CUL5: variants seen among roughly 807,000 people sequenced by gnomAD.
CUL5 encodes cullin 5, also known as cullin-5.
A neutral mutation model predicts 108.8 loss-of-function variants in CUL5; 26 were observed. The ratio of observed to expected loss-of-function variants is 0.24; its 90% CI spans 0.18 to 0.33. The LOEUF (loss-of-function observed/expected upper bound fraction) is 0.33. Among genes scored for constraint, CUL5 ranks in the 10% least tolerant of loss-of-function variants. CUL5 has a pLI of 1.00. For missense variants in CUL5, 524 were observed against 909.2 expected, an observed-to-expected ratio of 0.58 and a Z score of 5.45; for synonymous variants, 334 against 298.0, an observed-to-expected ratio of 1.12 and a Z score of -1.25.
At chr11:108,025,383 C>CT (rs1862428921) in intron 1 of CUL5, among the ~76,000 whole-genome samples, 1 of 151,926 alleles carries the variant, frequency 6.6e-6, no homozygotes, top group Non-Finnish European at 1.5e-5. Flanking sequence ...GTTTTAGGGG[C>CT]TTGATTTTAA....
At chr11:108,065,950 A>G (rs1591310551) in intron 7 of CUL5, among the ~76,000 whole-genome samples, 1 of 152,164 alleles carries the variant, frequency 6.6e-6, no homozygotes, top group East Asian at 1.9e-4. Flanking sequence ...TGGTCTGCAT[A>G]TTTATTCTTA....
At chr11:108,072,499 C>A in intron 9 of CUL5, 37 bp downstream of exon 9, 1 of 1,539,214 alleles carries the variant, frequency 6.5e-7, no homozygotes, top group African/African-American at 1.4e-5. Flanking sequence ...AGATATATAT[C>A]AAGGCTATTT....
intron 7 of CUL5, among the ~76,000 whole-genome samples, chr11:108,068,593 A>G (rs892441981): frequency 1.3e-5 from 2 of 152,188 alleles, no homozygotes; most frequent in African/African-American, 4.8e-5. Flanking sequence ...TTTAATAAAA[A>G]ATTTTTAAGG....
chr11:108,050,096 A>G lies in CUL5; in HGVS notation c.411+30A>G, dbSNP rs1863173456. The G allele has an allele frequency of 2.0e-6, 3 of 1,524,720 alleles. No homozygotes were observed. In the East Asian group the frequency reaches 7.0e-5, roughly 36 times the overall value. The allele number at this position is 1,524,720 out of a possible 1,614,324, so 94.4% of individuals were successfully genotyped here. The stretch of plus-strand genomic sequence containing the variant: ...GACTATTTTTCTCCTTGTTTTCCTA[A>G]TATTCTTCAGAAAGAGGGTAATTTG... On this transcript the variant is annotated intron_variant, in intron 4 of 18. Coordinates refer to ENST00000393094, the MANE Select transcript of CUL5 (RefSeq NM_003478.6).
intron 8 of CUL5, among the ~76,000 whole-genome samples, chr11:108,070,597 C>A (rs10749913): frequency 1 from 152,253 of 152,254 alleles, 76,126 homozygotes; most frequent in Non-Finnish European, 1. Flanking sequence ...CTCTGTCCCC[C>A]AAAATACTTT....
chr11:108,057,316 C>G (rs781092696), intron 7 of CUL5, among the ~76,000 whole-genome samples: 1 of 152,056 alleles, frequency 6.6e-6, no homozygotes, highest in Non-Finnish European at 1.5e-5. Flanking sequence ...GCACGAGCCA[C>G]GGCACTTGGC....
At chr11:108,058,500 G>A (rs534505824) in intron 7 of CUL5, among the ~76,000 whole-genome samples, 11 of 151,284 alleles carry the variant, frequency 7.3e-5, no homozygotes, top group African/African-American at 9.7e-5. Flanking sequence ...TGCCCGCGGC[G>A]GCCTCCCAAA....
chr11:108,080,463 T>G (rs897925416), intron 11 of CUL5, among the ~76,000 whole-genome samples: 1 of 151,906 alleles, frequency 6.6e-6, no homozygotes, highest in Non-Finnish European at 1.5e-5. Context: ...TGGTCTGATC[T>G]TGTCTTACTG....
At chr11:108,037,635 T>C (rs1407857027) in intron 2 of CUL5, among the ~76,000 whole-genome samples, 1 of 152,174 alleles carries the variant, frequency 6.6e-6, no homozygotes, top group Non-Finnish European at 1.5e-5. Context: ...ACAACACATA[T>C]AAAATATTGT....
intron 2 of CUL5, among the ~76,000 whole-genome samples, chr11:108,042,919 C>T (rs1168323390): frequency 1.3e-5 from 2 of 151,954 alleles, no homozygotes; most frequent in South Asian, 2.1e-4. Flanking sequence ...CGCACCACCA[C>T]GCCTGGCTAA....
chr11:108,028,382 G>A (rs1021406565), intron 1 of CUL5, among the ~76,000 whole-genome samples: 6 of 152,022 alleles, frequency 3.9e-5, no homozygotes, highest in Non-Finnish European at 8.8e-5. Flanking sequence ...CACCTTTTGG[G>A]CATCTAAAAT....
At chr11:108,065,515 A>G (rs1335279170) in intron 7 of CUL5, among the ~76,000 whole-genome samples, 2 of 152,112 alleles carry the variant, frequency 1.3e-5, no homozygotes, top group Non-Finnish European at 2.9e-5. Context: ...GCTGGTCTAA[A>G]TGCTCCCTCC....
In CUL5 at chr11:108,095,583, G is replaced by A; in HGVS notation, c.1797G>A (p.Gln599=). Residue 599 remains glutamine (Q), a synonymous_variant, in exon 16 of 19, where the codon CAG becomes CAA. Transcript: ENST00000393094. ...ATGATTTGGAGGTAACCACGTTTCA[G>A]CTCGCTGTATTGTTTGCATGGAACC... The part of the protein sequence containing the change: ...GQYDLEVTTF[Q]LAVLFAWNQR... The A allele has an allele frequency of 1.2e-6, 2 of 1,613,740 alleles. No homozygotes were observed. The highest frequency in any genetic ancestry group is 2.2e-5 in the South Asian group (2 of 91,030).
chr11:108,079,319 T>A (rs1308265768), intron 11 of CUL5, among the ~76,000 whole-genome samples: 1 of 152,214 alleles, frequency 6.6e-6, no homozygotes, highest in Admixed American at 6.5e-5. Context: ...TTGGCCAGGC[T>A]GGTCTTGAAC....
chr11:108,078,835 T>G (rs1287884837), intron 11 of CUL5, among the ~76,000 whole-genome samples: 3 of 152,144 alleles, frequency 2.0e-5, no homozygotes, highest in African/African-American at 7.2e-5. Context: ...ATAACGTTTC[T>G]TAAGAAGGAA....
At chr11:108,017,874 G>C (rs887403330) in intron 1 of CUL5, among the ~76,000 whole-genome samples, 1 of 152,070 alleles carries the variant, frequency 6.6e-6, no homozygotes, top group African/African-American at 2.4e-5. Context: ...GGAAGGTGGA[G>C]CCACTATTTT....
intron 9 of CUL5, among the ~76,000 whole-genome samples, chr11:108,072,814 A>G (rs914845342): frequency 1.3e-5 from 2 of 152,182 alleles, no homozygotes; most frequent in African/African-American, 4.8e-5. Flanking sequence ...ACCCCATAAT[A>G]TGTACCATTA....
At chr11:108,100,718 G>T (rs570272754) in intron 18 of CUL5, among the ~76,000 whole-genome samples, 2 of 152,174 alleles carry the variant, frequency 1.3e-5, no homozygotes, top group Admixed American at 6.5e-5. Flanking sequence ...GCTATGCCAG[G>T]ATAAACTCCT....
Position 108,009,066 on chromosome 11 carries a change from G to T in CUL5, c.-283G>T, listed in dbSNP as rs1037783261. On this transcript the variant is annotated 5_prime_UTR_variant, in exon 1 of 19. Transcript: ENST00000393094. ...ATGCTTCCTCTTCCAAGTCAGGTCG[G>T]CTCCCGTTACCTTCTCAGCATTCGC... 1 of 507,962 alleles carries T rather than the reference G, an allele frequency of 2.0e-6. No individual in the cohort carries two copies. The highest frequency in any genetic ancestry group is 2.0e-5 in the African/African-American group (1 of 50,794). The allele number at this position is 507,962 out of a possible 1,614,324, so 31.5% of individuals were successfully genotyped here.
Sources: gnomAD v4.1 joint callset for allele counts (sites outside exome capture counted in the v4.1 genomes callset) on GRCh38, gnomAD v4.1.1 for gene constraint, MANE v1.5 for transcripts, NCBI Gene and HGNC (gene_info 2026-07-23, HGNC 2026-07-21) for gene names.